SLC6A12: variants seen among roughly 807,000 people sequenced by gnomAD.
SLC6A12 encodes sodium- and chloride-dependent betaine transporter.
Under a neutral mutation model 73.3 loss-of-function variants are expected in SLC6A12, and 50 were observed. The observed-to-expected ratio is 0.68, with a 90% CI of 0.54 to 0.86. The LOEUF is 0.86. SLC6A12 is among the 40% of genes least tolerant of loss of function. The pLI, the probability that SLC6A12 is intolerant of heterozygous loss-of-function variation, is 0.00. For missense variants in SLC6A12, 648 were observed against 772.8 expected, an observed-to-expected ratio of 0.84 and a Z score of 1.92; for synonymous variants, 304 against 309.2, an observed-to-expected ratio of 0.98 and a Z score of 0.18.
At chr12:195,434 T>C in intron 12 of SLC6A12, 107 bp from the exon 13 acceptor site, 1 of 730,734 alleles carries the variant, frequency 1.4e-6, no homozygotes, top group Non-Finnish European at 2.5e-6. Flanking sequence ...CTGCCCGGCC[T>C]GTGGGATGCC....
At chr12:202,911 C>A (rs1940354358) in intron 4 of SLC6A12, 31 bp from the exon 5 acceptor site, 3 of 1,604,526 alleles carry the variant, frequency 1.9e-6, no homozygotes, top group African/African-American at 1.3e-5. Context: ...TGGGGAGGGA[C>A]AAGAGAGATC....
At chr12:196,915 C>T in intron 10 of SLC6A12, 33 bp from the exon 11 acceptor site, 1 of 1,516,320 alleles carries the variant, frequency 6.6e-7, no homozygotes, top group Non-Finnish European at 9.2e-7. Flanking sequence ...AGGGAGGCTC[C>T]AGGGCGTGTG....
chr12:205,472 C>T (rs766625643), intron 3 of SLC6A12, among the ~76,000 whole-genome samples: 2 of 152,222 alleles, frequency 1.3e-5, no homozygotes, highest in African/African-American at 2.4e-5. Flanking sequence ...AACAACCTCC[C>T]ATGGGGCAGG....
Position 209,930 on chromosome 12 carries a change from G to C in SLC6A12, c.57C>G (p.Pro19=). 1 of 1,614,100 alleles carries C rather than the reference G, an allele frequency of 6.2e-7. No homozygotes were observed. Reference sequence around the variant, plus strand: ...CCTGGTCCAACTTCTCTCCCTCCTCGGGGACCCAGGAGACTGCAGGAGGCC... The same window carrying C: ...CCTGGTCCAACTTCTCTCCCTCCTCCGGGACCCAGGAGACTGCAGGAGGCC... The part of the protein sequence containing the change: ...ECGPPAVSWV[P]EEGEKLDQED... The change falls in exon 3 of 16, where the codon CCC becomes CCG. Residue 19 remains proline (P), a synonymous_variant. Coordinates refer to ENST00000684302, the MANE Select transcript of SLC6A12 (RefSeq NM_001122848.3).
intron 3 of SLC6A12, among the ~76,000 whole-genome samples, chr12:209,191 C>T (rs1940796233): frequency 6.6e-6 from 1 of 152,268 alleles, no homozygotes; most frequent in Middle Eastern, 3.4e-3. Context: ...GATACATCCA[C>T]GACACTCATG....
Position 191,175 on chromosome 12 carries a change from G to A in SLC6A12, c.1738C>T (p.Pro580Ser). 1 of 1,296,524 alleles carries A rather than the reference G, an allele frequency of 7.7e-7. No homozygotes were observed. Among genetic ancestry groups the A allele is most frequent in the African/African-American group, 1.5e-5 (1 of 65,888 alleles). The allele number at this position is 1,296,524 out of a possible 1,614,324, so 80.3% of individuals were successfully genotyped here. A position where few individuals can be genotyped will look rare whatever the true frequency, so the allele number is the denominator to read the frequency against. ...RQLITPDSSL[P>S]QPKQHPCLDG... The stretch of plus-strand genomic sequence containing the variant: ...AAGCAGGGATGTTGCTTGGGCTGTG[G>A]CAGACTGGAGTCAGGGGTGATGAGC... The change falls in exon 16 of 16, where the codon CCA becomes TCA. Residue 580 changes from proline to serine, a missense_variant. Physicochemically the swap from Pro to Ser is moderately conservative, Grantham distance 74. Coordinates refer to ENST00000684302, the MANE Select transcript of SLC6A12 (RefSeq NM_001122848.3).
Position 200,162 on chromosome 12 carries a change from G to A in SLC6A12, c.711+489C>T, listed in dbSNP as rs61907110. Among the ~76,000 whole-genome samples, 534 of 141,810 alleles carry A rather than the reference G, an allele frequency of 3.8e-3. 2 individuals are homozygous for A. Among genetic ancestry groups the A allele is most frequent in the Non-Finnish European group, 5.9e-3 (393 of 66,762 alleles). 93.0% of individuals were successfully genotyped at this position (141,810 alleles called of 152,430 possible). On this transcript the variant is annotated intron_variant, in intron 7 of 15. Coordinates refer to ENST00000684302, the MANE Select transcript of SLC6A12 (RefSeq NM_001122848.3). Reference sequence around the variant, plus strand: ...GTCTGGCTGTCGCCCAGGCTGGAGTGCAGTGGCGCTATCTCGGCTCACTGC... The same window carrying A: ...GTCTGGCTGTCGCCCAGGCTGGAGTACAGTGGCGCTATCTCGGCTCACTGC...
rs140354099 is a variant in SLC6A12 at position 209,494 on chromosome 12, C to T, written c.214+279G>A. On this transcript the variant is annotated intron_variant, in intron 3 of 15. Coordinates refer to ENST00000684302, the MANE Select transcript of SLC6A12 (RefSeq NM_001122848.3). Reference sequence around the variant, plus strand: ...TGACTGAATTCTATCAATGATTGACCTTTACATAGTCATGAAGGAGCTTGT... The same window carrying T: ...TGACTGAATTCTATCAATGATTGACTTTTACATAGTCATGAAGGAGCTTGT... 2.9e-3 allele frequency among the ~76,000 whole-genome samples: 443 copies of T among 152,296 alleles called. 2 individuals are homozygous for T. Among genetic ancestry groups the T allele is most frequent in the African/African-American group, 1.0e-2 (415 of 41,546 alleles).
intron 7 of SLC6A12, among the ~76,000 whole-genome samples, chr12:199,437 A>G (rs533590997): frequency 1.3e-5 from 2 of 152,292 alleles, no homozygotes; most frequent in East Asian, 3.9e-4. Flanking sequence ...AGATTTGCAC[A>G]GTGATCTGTG....
downstream of SLC6A12, among the ~76,000 whole-genome samples, chr12:187,781 C>T (rs1939463425): frequency 1.3e-5 from 2 of 152,048 alleles, no homozygotes; most frequent in Admixed American, 6.6e-5. Flanking sequence ...GTCCATTTTA[C>T]AGAGCGCTGA....
intron 9 of SLC6A12, 24 bp from the exon 10 acceptor site, chr12:197,525 A>G: frequency 6.2e-7 from 1 of 1,606,084 alleles, no homozygotes; most frequent in Non-Finnish European, 8.5e-7. Context: ...GCAAGGGCAG[A>G]CAGGAACGGG....
intron 10 of SLC6A12, among the ~76,000 whole-genome samples, chr12:197,096 T>C (rs1939911233): frequency 8.2e-5 from 3 of 36,584 alleles, no homozygotes; most frequent in South Asian, 1.2e-3. Context: ...CATCCATCCA[T>C]CCATCCATCC....
chr12:197,030 G>T lies in SLC6A12; in HGVS notation c.1076-148C>A, dbSNP rs142808095. The T allele has an allele frequency of 5.2e-4, 111 of 212,960 alleles. No individual in the cohort carries two copies. The African/African-American group carries it at 6.7e-3, about 13-fold the overall frequency. The allele number at this position is 212,960 out of a possible 1,614,324, so 13.2% of individuals were successfully genotyped here. A position where few individuals can be genotyped will look rare whatever the true frequency, so the allele number is the denominator to read the frequency against. ...TCCATCCACTGTTCTTCTCTTTCCA[G>T]GCCTGGGAAGCATACCATTCATCCA... On this transcript the variant is annotated intron_variant, in intron 10 of 15. Coordinates refer to ENST00000684302, the MANE Select transcript of SLC6A12 (RefSeq NM_001122848.3).
At chr12:193,416 G>A (rs772013395) in intron 13 of SLC6A12, 39 bp from the exon 14 acceptor site, 2 of 1,475,044 alleles carry the variant, frequency 1.4e-6, no homozygotes, top group South Asian at 1.1e-5. Flanking sequence ...AGAGCCAGAG[G>A]GTGAGAACAG....
intron 13 of SLC6A12, among the ~76,000 whole-genome samples, chr12:193,716 T>G (rs1228090575): frequency 6.6e-6 from 1 of 152,100 alleles, no homozygotes; most frequent in Non-Finnish European, 1.5e-5. Flanking sequence ...CAAACGCCTG[T>G]TTACCCGGGT....
At position 196,847 on chromosome 12, in the gene SLC6A12, C is replaced by T; in HGVS notation, c.1111G>A (p.Val371Met). The change falls in exon 11 of 16, where the codon GTG becomes ATG. Residue 371 changes from valine to methionine, a missense_variant. Physicochemically the swap from Val to Met is conservative, Grantham distance 21 (BLOSUM62 1). Transcript: ENST00000684302. ...GLAFIAFPKA[V>M]TMMPLSQLWS... ...AGCTGGGATAAGGGCATCATAGTCA[C>T]AGCCTTGGGGAAGGCGATGAAGGCC... 6.2e-7 allele frequency: 1 copy of T among 1,614,006 alleles called. No homozygotes were observed. The highest frequency in any genetic ancestry group is 1.3e-5 in the African/African-American group (1 of 75,038).
intron 3 of SLC6A12, among the ~76,000 whole-genome samples, chr12:205,611 A>T (rs559284972): frequency 6.6e-6 from 1 of 152,356 alleles, no homozygotes; most frequent in East Asian, 1.9e-4. Context: ...GCTCATAATC[A>T]CTACACTATA....
downstream of SLC6A12, among the ~76,000 whole-genome samples, chr12:187,709 T>C (rs992062247): frequency 6.0e-5 from 9 of 149,684 alleles, no homozygotes; most frequent in African/African-American, 2.2e-4. Flanking sequence ...AGCCTGCTTT[T>C]ATTCTCTTAC....
downstream of SLC6A12, among the ~76,000 whole-genome samples, chr12:189,638 TCC>T (rs1376314008): frequency 2.0e-5 from 3 of 151,904 alleles, no homozygotes; most frequent in Non-Finnish European, 4.4e-5. Flanking sequence ...GCCCTGAAAT[TCC>T]CTCCCCAGCC....
Sources: gnomAD v4.1 joint callset for allele counts (sites outside exome capture counted in the v4.1 genomes callset) on GRCh38, gnomAD v4.1.1 for gene constraint, MANE v1.5 for transcripts, NCBI Gene and HGNC (gene_info 2026-07-23, HGNC 2026-07-21) for gene names.